ZNF385D: variants seen among roughly 807,000 people sequenced by gnomAD.
ZNF385D encodes the protein zinc finger protein 385D.
In ZNF385D, 15 loss-of-function variants were observed where a neutral mutation model predicts 35.8. The observed-to-expected ratio is 0.42, with a 90% CI of 0.28 to 0.64. ZNF385D has a LOEUF of 0.64. Among genes scored for constraint, ZNF385D ranks in the 30% least tolerant of loss-of-function variants. ZNF385D has a pLI of 0.23. For synonymous variants in ZNF385D, 212 were observed against 186.8 expected, an observed-to-expected ratio of 1.13 and a Z score of -1.10; for missense variants, 474 against 494.6, an observed-to-expected ratio of 0.96 and a Z score of 0.39.
At chr3:21,445,398 AAG>A in intron 4 of ZNF385D, among the ~76,000 whole-genome samples, 1 of 152,190 alleles carries the variant, frequency 6.6e-6, no homozygotes, top group East Asian at 1.9e-4. Flanking sequence ...TCTCTATTTA[AAG>A]AGAGATAAGC....
At chr3:21,774,682 T>G (rs1335672242) in intron 3 of ZNF385D, among the ~76,000 whole-genome samples, 1 of 151,748 alleles carries the variant, frequency 6.6e-6, no homozygotes, top group Admixed American at 6.6e-5. Context: ...ACTAGATAAA[T>G]GATGATGGGC....
chr3:22,166,774 G>T (rs75714885), intron 3 of ZNF385D, among the ~76,000 whole-genome samples: 5,128 of 152,274 alleles, frequency 0.034, 133 homozygotes, highest in South Asian at 0.086. Flanking sequence ...TAAACAAGAT[G>T]TATCTTTTGT....
chr3:22,345,264 C>G (rs976116460), intron 2 of ZNF385D, among the ~76,000 whole-genome samples: 14 of 152,052 alleles, frequency 9.2e-5, no homozygotes, highest in Non-Finnish European at 4.4e-5. Context: ...TATACCATAC[C>G]AGATACAGAG....
chr3:21,927,162 G>A (rs973165965), intron 3 of ZNF385D, among the ~76,000 whole-genome samples: 1 of 152,004 alleles, frequency 6.6e-6, no homozygotes. Flanking sequence ...TGTAATGCCT[G>A]TTTCCTTTCT....
chr3:21,504,093 G>T (rs1706596583), intron 4 of ZNF385D, among the ~76,000 whole-genome samples: 1 of 152,108 alleles, frequency 6.6e-6, no homozygotes, highest in South Asian at 2.1e-4. Flanking sequence ...GTGATAAAGA[G>T]AATTATGTAA....
intron 2 of ZNF385D, among the ~76,000 whole-genome samples, chr3:22,236,840 G>A (rs1699212608): frequency 6.6e-6 from 1 of 152,112 alleles, no homozygotes; most frequent in South Asian, 2.1e-4. Flanking sequence ...CTTGGACTTA[G>A]TGAATGTAGC....
chr3:21,632,497 T>A (rs1395562323), intron 2 of ZNF385D, among the ~76,000 whole-genome samples: 3 of 152,126 alleles, frequency 2.0e-5, no homozygotes, highest in African/African-American at 7.2e-5. Flanking sequence ...CTGATTTTTG[T>A]CAATTCAAAA....
chr3:21,653,732 T>A (rs1228425269), intron 2 of ZNF385D, among the ~76,000 whole-genome samples: 7 of 152,030 alleles, frequency 4.6e-5, no homozygotes, highest in Admixed American at 2.6e-4. Flanking sequence ...ATGTACTTAA[T>A]GAATTTTTTT....
At chr3:21,979,665 T>C (rs1245471426) in intron 3 of ZNF385D, 1 of 152,092 alleles carries the variant, frequency 6.6e-6, no homozygotes, top group Non-Finnish European at 1.5e-5. Flanking sequence ...GACGACTACT[T>C]TTCAGATATT....
intron 3 of ZNF385D, among the ~76,000 whole-genome samples, chr3:22,117,940 G>T (rs1702893044): frequency 6.6e-6 from 1 of 151,936 alleles, no homozygotes. Context: ...GTACTCTACT[G>T]CCCTCTCATG....
chr3:21,919,185 C>T (rs7430341), intron 3 of ZNF385D, among the ~76,000 whole-genome samples: 81,330 of 152,022 alleles, frequency 0.53, 23,801 homozygotes, highest in South Asian at 0.66. Context: ...CTTCATTCAT[C>T]CATTCATTCA....
At chr3:21,988,837 A>G (rs530414211) in intron 3 of ZNF385D, among the ~76,000 whole-genome samples, 1 of 151,282 alleles carries the variant, frequency 6.6e-6, no homozygotes, top group African/African-American at 2.4e-5. Context: ...TGGGCGTAGG[A>G]CCCTCCGAGC....
At chr3:21,754,629 T>C (rs2070256983), upstream of ZNF385D, among the ~76,000 whole-genome samples, 1 of 152,110 alleles carries the variant, frequency 6.6e-6, no homozygotes, top group Admixed American at 6.6e-5. Flanking sequence ...TTTTTCCAGT[T>C]TTAAAATGCC....
chr3:21,624,666 C>T (rs973027139), intron 2 of ZNF385D, among the ~76,000 whole-genome samples: 1 of 151,990 alleles, frequency 6.6e-6, no homozygotes, highest in African/African-American at 2.4e-5. Flanking sequence ...ACCATTACTC[C>T]ACCCTTTTAC....
chr3:21,558,921 CCTT>C (rs1476344855), intron 3 of ZNF385D, among the ~76,000 whole-genome samples: 3 of 150,228 alleles, frequency 2.0e-5, no homozygotes, highest in South Asian at 2.1e-4. Flanking sequence ...TATGTAATGT[CCTT>C]CTTTGCTGTT....
intron 2 of ZNF385D, among the ~76,000 whole-genome samples, chr3:21,622,803 A>G (rs552386325): frequency 5.9e-5 from 9 of 152,204 alleles, no homozygotes; most frequent in African/African-American, 2.2e-4. Context: ...ACCTAGGCTT[A>G]TTTTAACCAA....
intron 3 of ZNF385D, among the ~76,000 whole-genome samples, chr3:22,109,518 G>A (rs763599185): frequency 6.6e-6 from 1 of 152,164 alleles, no homozygotes; most frequent in African/African-American, 2.4e-5. Flanking sequence ...AAATGAATAA[G>A]TATTTGCCAG....
At chr3:22,314,946 G>A (rs900106566) in intron 2 of ZNF385D, among the ~76,000 whole-genome samples, 2 of 152,142 alleles carry the variant, frequency 1.3e-5, no homozygotes, top group African/African-American at 2.4e-5. Flanking sequence ...ATGAATGGAT[G>A]TGGAGTAAGG....
At chr3:22,201,483 A>G (rs957566576) in intron 2 of ZNF385D, among the ~76,000 whole-genome samples, 40 of 152,126 alleles carry the variant, frequency 2.6e-4, no homozygotes, top group Admixed American at 5.9e-4. Flanking sequence ...ATAATTGATG[A>G]GCACTTGTTT....
Sources: gnomAD v4.1 joint callset for allele counts (sites outside exome capture counted in the v4.1 genomes callset) on GRCh38, gnomAD v4.1.1 for gene constraint, MANE v1.5 for transcripts, NCBI Gene and HGNC (gene_info 2026-07-23, HGNC 2026-07-21) for gene names.